The following CAMK1D variants were observed in gnomAD, a reference collection of about 807,000 sequenced individuals.
The protein encoded by CAMK1D is calcium/calmodulin-dependent protein kinase type 1D.
In CAMK1D, 9 loss-of-function variants were observed where a neutral mutation model predicts 47.7. That is an observed-to-expected ratio of 0.19 (90% CI 0.11 to 0.33). The LOEUF (loss-of-function observed/expected upper bound fraction) is 0.33. Among genes scored for constraint, CAMK1D ranks in the 10% least tolerant of loss-of-function variants. CAMK1D has a pLI of 1.00. For missense variants in CAMK1D, 291 were observed against 488.7 expected (o/e 0.60, Z 3.81); for synonymous variants, 184 against 184.9 (o/e 0.99, Z 0.04).
Position 12,828,921 on chromosome 10 carries a change from G to A in CAMK1D, c.*34G>A. 4 of 1,494,670 alleles carry A rather than the reference G, an allele frequency of 2.7e-6. No homozygotes were observed. The highest frequency in any genetic ancestry group is 3.6e-6 in the Non-Finnish European group (4 of 1,109,278). 92.6% of individuals were successfully genotyped at this position (1,494,670 alleles called of 1,614,324 possible). A position where few individuals can be genotyped will look rare whatever the true frequency, so the allele number is the denominator to read the frequency against. On this transcript the variant is annotated 3_prime_UTR_variant, in exon 11 of 11. Coordinates refer to ENST00000619168, the MANE Select transcript of CAMK1D (RefSeq NM_153498.4). The stretch of plus-strand genomic sequence containing the variant: ...GGAGGTGGGGCCCGGGGTCGGGGCT[G>A]GGGAAGGGGAGCCCCAGGGTCGCCA...
intron 3 of CAMK1D, among the ~76,000 whole-genome samples, chr10:12,709,032 G>A (rs78916647): frequency 6.6e-6 from 1 of 152,216 alleles, no homozygotes; most frequent in Non-Finnish European, 1.5e-5. Flanking sequence ...GCATGGGAGT[G>A]GGGGGCACAG....
chr10:12,776,975 A>G (rs1357853317), intron 5 of CAMK1D, among the ~76,000 whole-genome samples: 1 of 152,210 alleles, frequency 6.6e-6, no homozygotes, highest in African/African-American at 2.4e-5. Flanking sequence ...CATGTCCACA[A>G]ATGACCACAA....
At chr10:12,401,051 TA>T (rs1839163153) in intron 1 of CAMK1D, among the ~76,000 whole-genome samples, 1 of 104,454 alleles carries the variant, frequency 9.6e-6, no homozygotes, top group African/African-American at 3.6e-5. Context: ...GTATTATATA[TA>T]TTATATATAT....
chr10:12,584,889 A>C (rs1837769971), intron 2 of CAMK1D, among the ~76,000 whole-genome samples: 1 of 152,172 alleles, frequency 6.6e-6, no homozygotes, highest in African/African-American at 2.4e-5. Context: ...CCTTGAATTG[A>C]AGCCTTTTTT....
chr10:12,515,565 C>G lies in CAMK1D; in HGVS notation c.93-37660C>G, dbSNP rs1476063635. Among the ~76,000 whole-genome samples the G allele has an allele frequency of 3.2e-5, 3 of 93,452 alleles. No individual in the cohort carries two copies. The East Asian group carries it at 9.8e-4, about 30-fold the overall frequency. The allele number at this position is 93,452 out of a possible 152,430, so 61.3% of individuals were successfully genotyped here. A position where few individuals can be genotyped will look rare whatever the true frequency, so the allele number is the denominator to read the frequency against. On this transcript the variant is annotated intron_variant, in intron 1 of 10. Coordinates refer to ENST00000619168, the MANE Select transcript of CAMK1D (RefSeq NM_153498.4). ...GTATATCTCCCAATGCTATCCCTCC[C>G]CCCTCCCCCGACCCCACCACAGTCC...
chr10:12,399,982 G>A (rs368046650), intron 1 of CAMK1D, among the ~76,000 whole-genome samples: 1 of 152,202 alleles, frequency 6.6e-6, no homozygotes, highest in East Asian at 1.9e-4. Context: ...TGACTAGAGA[G>A]GCCTGTAGGA....
chr10:12,802,323 G>C (rs1564573116), intron 6 of CAMK1D, among the ~76,000 whole-genome samples: 1 of 152,150 alleles, frequency 6.6e-6, no homozygotes, highest in Non-Finnish European at 1.5e-5. Flanking sequence ...TTGCATGGGA[G>C]CATAGCGCTG....
chr10:12,395,972 C>T (rs929743679), intron 1 of CAMK1D, among the ~76,000 whole-genome samples: 9 of 151,736 alleles, frequency 5.9e-5, no homozygotes, highest in South Asian at 4.2e-4. Flanking sequence ...CTCCTGGGTT[C>T]AAGCGATTCT....
intron 3 of CAMK1D, among the ~76,000 whole-genome samples, chr10:12,760,273 A>G (rs1233308714): frequency 6.6e-6 from 1 of 152,250 alleles, no homozygotes; most frequent in Non-Finnish European, 1.5e-5. Context: ...TGCAAAGCTA[A>G]TAAAAAGGAT....
intron 1 of CAMK1D, among the ~76,000 whole-genome samples, chr10:12,387,383 A>ATATATTATATATATTT (rs1564306865): frequency 1.5e-4 from 5 of 34,252 alleles, no homozygotes; most frequent in South Asian, 4.4e-3. Context: ...ATTATATATT[A>ATATATTATATATATTT]TATATATTAT....
At chr10:12,488,019 C>T (rs74116934) in intron 1 of CAMK1D, among the ~76,000 whole-genome samples, 4,418 of 152,172 alleles carry the variant, frequency 0.029, 220 homozygotes, top group African/African-American at 0.1. Flanking sequence ...TCCTAAAGTG[C>T]CAGGAAACCT....
intron 1 of CAMK1D, among the ~76,000 whole-genome samples, chr10:12,537,762 G>A (rs1279252084): frequency 6.6e-6 from 1 of 152,214 alleles, no homozygotes; most frequent in Non-Finnish European, 1.5e-5. Flanking sequence ...TATTGTATTA[G>A]TAGGACTTGA....
intron 1 of CAMK1D, among the ~76,000 whole-genome samples, chr10:12,548,371 T>A (rs966009407): frequency 6.6e-6 from 1 of 152,066 alleles, no homozygotes; most frequent in Non-Finnish European, 1.5e-5. Flanking sequence ...CATCATTGAT[T>A]AGAAGTAAGC....
At position 12,828,806 on chromosome 10, in the gene CAMK1D, T is replaced by A. The variant is rs767037981; in HGVS notation, c.1077T>A (p.Ser359=). 1 of 1,613,898 alleles carries A rather than the reference T, an allele frequency of 6.2e-7. No individual in the cohort carries two copies. The highest frequency in any genetic ancestry group is 1.1e-5 in the South Asian group (1 of 91,084). ...CCACGCTCTGTAGTTTCATTTCTTC[T>A]TCGTCGGGGGTCTCAGGAGTTGGAG... ...APSTLCSFIS[S]SSGVSGVGAE... The change falls in exon 11 of 11, where the codon TCT becomes TCA. Residue 359 remains serine (S), a synonymous_variant. Transcript: ENST00000619168.
chr10:12,424,726 TTGAGCCCAGGAGATCACGGCTGCAG>T (rs1840167056), intron 1 of CAMK1D, among the ~76,000 whole-genome samples: 1 of 152,142 alleles, frequency 6.6e-6, no homozygotes, highest in African/African-American at 2.4e-5. Flanking sequence ...AGAGGATCAC[TTGAGCCCAGGAGATCACGGCTGCAG>T]TGAGCCATAA....
chr10:12,748,939 G>A (rs1835803003), intron 3 of CAMK1D, among the ~76,000 whole-genome samples: 1 of 152,180 alleles, frequency 6.6e-6, no homozygotes, highest in Non-Finnish European at 1.5e-5. Flanking sequence ...ATCTTAAGGG[G>A]CTGAGGAGGC....
At chr10:12,742,246 C>T (rs921268306) in intron 3 of CAMK1D, among the ~76,000 whole-genome samples, 8 of 152,228 alleles carry the variant, frequency 5.3e-5, no homozygotes, top group Non-Finnish European at 1.0e-4. Context: ...AACCATCCTT[C>T]CACCTCAGCC....
chr10:12,656,930 A>C (rs1294525968), intron 2 of CAMK1D, among the ~76,000 whole-genome samples: 1 of 152,238 alleles, frequency 6.6e-6, no homozygotes, highest in African/African-American at 2.4e-5. Context: ...TCATTTAACA[A>C]ATGAGAAATC....
At chr10:12,653,534 CCAACCATGTGA>C (rs1342446625) in intron 2 of CAMK1D, among the ~76,000 whole-genome samples, 3 of 152,108 alleles carry the variant, frequency 2.0e-5, no homozygotes, top group Admixed American at 6.5e-5. Context: ...GTGACCTGAG[CCAACCATGTGA>C]CAACGTTAAT....
Sources: allele counts gnomAD v4.1 joint callset (sites outside exome capture counted in the v4.1 genomes callset), GRCh38; gene constraint gnomAD v4.1.1; transcripts MANE v1.5; gene names NCBI Gene and HGNC (gene_info 2026-07-23, HGNC 2026-07-21).